The following CORO6 variants were observed in gnomAD, a reference collection of about 807,000 sequenced individuals.
The protein encoded by CORO6 is coronin-6.
Under a neutral mutation model 49.0 loss-of-function variants are expected in CORO6, and 43 were observed. That is an observed-to-expected ratio of 0.88 (90% CI 0.69 to 1.13). The LOEUF is 1.13. CORO6 is among the 50% of genes most tolerant of loss of function. CORO6 has a pLI of 0.00. For synonymous variants in CORO6, 233 were observed against 256.5 expected, an observed-to-expected ratio of 0.91 and a Z score of 0.88; for missense variants, 650 against 647.0, an observed-to-expected ratio of 1.00 and a Z score of -0.05.
Position 29,615,629 on chromosome 17 carries a change from C to G in CORO6, c.*103G>C, listed in dbSNP as rs527841317. ...CGGAGTTCCCTCCCCAGTCCCGCCC[C>G]CGGGCCCAGCCCAAGAAGGCGGGGT... On this transcript the variant is annotated 3_prime_UTR_variant, in exon 11 of 11. Transcript: ENST00000388767. 1.5e-4 allele frequency: 202 copies of G among 1,307,694 alleles called. No homozygotes were observed. In the African/African-American group the frequency reaches 2.7e-3, roughly 17 times the overall value. 81.0% of individuals were successfully genotyped at this position (1,307,694 alleles called of 1,614,324 possible).
intron 5 of CORO6, chr17:29,618,530 C>T (rs1040516955): frequency 2.4e-5 from 33 of 1,347,830 alleles, no homozygotes; most frequent in Admixed American, 3.4e-5. Context: ...CTCCTCAATC[C>T]CAAAGCGAGG....
chr17:29,621,493 GGGA>G lies in CORO6; in HGVS notation c.-63-12_-63-10del. On this transcript the variant is annotated splice_polypyrimidine_tract_variant and intron_variant, in intron 1 of 10. Coordinates refer to ENST00000388767, the MANE Select transcript of CORO6 (RefSeq NM_032854.4). The surrounding 1 kb of genome is among the most constrained non-coding windows in gnomAD (Gnocchi z 4.2). ...GTCCTTAGTCCTGTGAGCTGCGGGA[GGGA>G]GGAGGAGTGGAGGGGTGGCTGATGA... The G allele has an allele frequency of 6.5e-7, 1 of 1,542,588 alleles. No homozygotes were observed. Among genetic ancestry groups the G allele is most frequent in the East Asian group, 2.5e-5 (1 of 40,690 alleles).
intron 5 of CORO6, 85 bp downstream of exon 5, chr17:29,618,705 G>T (rs1598641109): frequency 9.3e-6 from 14 of 1,497,544 alleles, no homozygotes; most frequent in Non-Finnish European, 1.3e-5. Flanking sequence ...CCGGGACCAG[G>T]GGCTCTGATA....
chr17:29,622,725 A>T lies in CORO6; in HGVS notation c.-101T>A. The stretch of plus-strand genomic sequence containing the variant: ...GGGCTGCGGGGCGCTCACGCTGCGA[A>T]TCCTCTGCGGAAGGGGCCCGAGTGC... On this transcript the variant is annotated 5_prime_UTR_variant, in exon 1 of 11. Transcript: ENST00000388767. The T allele has an allele frequency of 7.6e-7, 1 of 1,307,384 alleles. No homozygotes were observed. The highest frequency in any genetic ancestry group is 1.0e-6 in the Non-Finnish European group (1 of 993,944). The allele number at this position is 1,307,384 out of a possible 1,614,324, so 81.0% of individuals were successfully genotyped here.
Position 29,615,974 on chromosome 17 carries a change from T to C in CORO6, c.1264A>G (p.Ser422Gly). Residue 422 changes from serine to glycine, a missense_variant, in exon 10 of 11, where the codon AGC becomes GGC. By Grantham distance (56) the Ser-to-Gly change is moderately conservative (BLOSUM62 0). Coordinates refer to ENST00000388767, the MANE Select transcript of CORO6 (RefSeq NM_032854.4). ...AAGGGGGCGTCGCTGGCCGACTGGC[T>C]GCGGCGGGGGCCGGAGGGCGGGCGC... ...DVRPPSGPRR[S>G]QSASDAPLSQ... 3 of 1,583,290 alleles carry C rather than the reference T, an allele frequency of 1.9e-6. No homozygotes were observed. Among genetic ancestry groups the C allele is most frequent in the Non-Finnish European group, 2.6e-6 (3 of 1,164,448 alleles).
rs919936323 is a variant in CORO6, at chr17:29,616,416, G to A, written c.1005-80C>T. 74 of 1,356,102 alleles carry A rather than the reference G, an allele frequency of 5.5e-5. No individual in the cohort carries two copies. The highest frequency in any genetic ancestry group is 2.3e-4 in the Admixed American group (11 of 48,718). 84.0% of individuals were successfully genotyped at this position (1,356,102 alleles called of 1,614,324 possible). A position where few individuals can be genotyped will look rare whatever the true frequency, so the allele number is the denominator to read the frequency against. ...CTGTCTAAGACCAAGGGGGTTGGAG[G>A]CCAACACTTGCTCAGCGCCTACCAT... On this transcript the variant is annotated intron_variant, in intron 8 of 10. Transcript: ENST00000388767. The surrounding 1 kb of genome is among the most constrained non-coding windows in gnomAD (Gnocchi z 5.6).
chr17:29,618,653 G>T, intron 5 of CORO6, 137 bp downstream of exon 5: 2 of 1,430,538 alleles, frequency 1.4e-6, no homozygotes, highest in Non-Finnish European at 9.2e-7. Flanking sequence ...AGAGACGGGG[G>T]AAGGGGGCTA....
chr17:29,622,884 A>C lies in CORO6; in HGVS notation c.-260T>G, dbSNP rs564109704. 114 of 1,285,694 alleles carry C rather than the reference A, an allele frequency of 8.9e-5. No individual in the cohort carries two copies. Among genetic ancestry groups the C allele is most frequent in the Admixed American group, 4.4e-4 (18 of 41,284 alleles). 79.6% of individuals were successfully genotyped at this position (1,285,694 alleles called of 1,614,324 possible). On this transcript the variant is annotated 5_prime_UTR_variant, in exon 1 of 11. Transcript: ENST00000388767. ...TAGAGCCCGGCGCCGCTGCAGCCCC[A>C]GCTGCCGCTGCCATCAACCTAAGAG...
In CORO6 at chr17:29,616,621, TG is replaced by T; in HGVS notation, c.1004+80del. 2 of 1,560,700 alleles carry T rather than the reference TG, an allele frequency of 1.3e-6. No individual in the cohort carries two copies. The highest frequency in any genetic ancestry group is 3.4e-5 in the Admixed American group (2 of 57,978). ...CCGCTTTTCCAAAGCACTGCATTAC[TG>T]GGGAAGCCCCGTGGCTAGGACCCGA... On this transcript the variant is annotated intron_variant, in intron 8 of 10. Coordinates refer to ENST00000388767, the MANE Select transcript of CORO6 (RefSeq NM_032854.4). The surrounding 1 kb of genome is among the most constrained non-coding windows in gnomAD (Gnocchi z 5.6).
At position 29,622,707 on chromosome 17, in the gene CORO6, G is replaced by T; in HGVS notation, c.-83C>A. 1.6e-6 allele frequency: 2 copies of T among 1,283,080 alleles called. No individual in the cohort carries two copies. The highest frequency in any genetic ancestry group is 6.0e-5 in the East Asian group (1 of 16,622). The allele number at this position is 1,283,080 out of a possible 1,614,324, so 79.5% of individuals were successfully genotyped here. A position where few individuals can be genotyped will look rare whatever the true frequency, so the allele number is the denominator to read the frequency against. On this transcript the variant is annotated 5_prime_UTR_variant, in exon 1 of 11. Coordinates refer to ENST00000388767, the MANE Select transcript of CORO6 (RefSeq NM_032854.4). ...GGGTACCTGGTCCTGAGCGGGCTGCGGGGCGCTCACGCTGCGAATCCTCTG... is the reference window on the plus strand; with the variant it reads ...GGGTACCTGGTCCTGAGCGGGCTGCTGGGCGCTCACGCTGCGAATCCTCTG...
Position 29,616,406 on chromosome 17 carries a change from G to A in CORO6, c.1005-70C>T. On this transcript the variant is annotated intron_variant, in intron 8 of 10. Transcript: ENST00000388767. This position sits in a 1 kb window ranked among gnomAD's most constrained non-coding sequence, Gnocchi z 5.6. ...TTAACTTCTCCTGTCTAAGACCAAG[G>A]GGGTTGGAGGCCAACACTTGCTCAG... 1 of 1,461,448 alleles carries A rather than the reference G, an allele frequency of 6.8e-7. No individual in the cohort carries two copies. Among genetic ancestry groups the A allele is most frequent in the East Asian group, 2.4e-5 (1 of 41,578 alleles). The allele number at this position is 1,461,448 out of a possible 1,614,324, so 90.5% of individuals were successfully genotyped here.
At chr17:29,617,116 T>C in intron 6 of CORO6, 74 bp from the exon 7 acceptor site, 4 of 1,590,374 alleles carry the variant, frequency 2.5e-6, no homozygotes, top group Non-Finnish European at 3.4e-6. Context: ...AGAAGCCCCT[T>C]TACGCTTCCT....
intron 5 of CORO6, chr17:29,618,485 G>T: frequency 7.6e-7 from 1 of 1,309,240 alleles, no homozygotes; most frequent in Non-Finnish European, 9.7e-7. Context: ...TTTCATGCAG[G>T]TTCTGGTGGG....
chr17:29,621,449 G>A lies in CORO6; in HGVS notation c.-28C>T, dbSNP rs749138496. ...CTGCAGGCAGAGAGGTAGGATCTCA[G>A]TGCCCAGAAATGCCTTTGGTCCTTA... On this transcript the variant is annotated 5_prime_UTR_variant, in exon 2 of 11. Coordinates refer to ENST00000388767, the MANE Select transcript of CORO6 (RefSeq NM_032854.4). The surrounding 1 kb of genome is among the most constrained non-coding windows in gnomAD (Gnocchi z 4.2). The A allele has an allele frequency of 3.2e-6, 5 of 1,576,094 alleles. No individual in the cohort carries two copies. Among genetic ancestry groups the A allele is most frequent in the South Asian group, 2.3e-5 (2 of 87,002 alleles).
Position 29,615,396 on chromosome 17 carries a change from C to T in CORO6, c.*336G>A. The T allele has an allele frequency of 3.7e-6, 1 of 272,526 alleles. No individual in the cohort carries two copies. Among genetic ancestry groups the T allele is most frequent in the South Asian group, 8.2e-5 (1 of 12,130 alleles). 16.9% of individuals were successfully genotyped at this position (272,526 alleles called of 1,614,324 possible). A position where few individuals can be genotyped will look rare whatever the true frequency, so the allele number is the denominator to read the frequency against. On this transcript the variant is annotated 3_prime_UTR_variant, in exon 11 of 11. Transcript: ENST00000388767. ...CAGGCTCCAATAACCCCAAGCATCA[C>T]GCTAATACTAAGCACTTTCCCTGCC... is the stretch of plus-strand genomic sequence containing the variant.
Position 29,621,452 on chromosome 17 carries a change from C to T in CORO6, c.-31G>A, listed in dbSNP as rs768275465. The T allele has an allele frequency of 6.4e-7, 1 of 1,570,336 alleles. No individual in the cohort carries two copies. The highest frequency in any genetic ancestry group is 2.4e-5 in the East Asian group (1 of 42,296). The stretch of plus-strand genomic sequence containing the variant: ...CAGGCAGAGAGGTAGGATCTCAGTG[C>T]CCAGAAATGCCTTTGGTCCTTAGTC... On this transcript the variant is annotated 5_prime_UTR_variant, in exon 2 of 11. Transcript: ENST00000388767. The surrounding 1 kb of genome is among the most constrained non-coding windows in gnomAD (Gnocchi z 4.2).
intron 5 of CORO6, 114 bp downstream of exon 5, chr17:29,618,676 G>A: frequency 6.2e-6 from 9 of 1,450,480 alleles, no homozygotes; most frequent in Non-Finnish European, 8.2e-6. Context: ...CTCTGGAGCA[G>A]GGATGCGACA....
intron 2 of CORO6, 110 bp from the exon 3 acceptor site, chr17:29,619,883 G>T: frequency 3.0e-6 from 3 of 996,776 alleles, no homozygotes; most frequent in East Asian, 2.5e-5. Context: ...TCTCTTTGCA[G>T]ATCCCTCTCT....
At position 29,616,744 on chromosome 17, in the gene CORO6, A is replaced by T. The variant is rs377223092; in HGVS notation, c.962T>A (p.Met321Lys). The change falls in exon 8 of 11, where the codon ATG (methionine) becomes AAG (lysine). Residue 321 changes from methionine to lysine, a missense_variant. Coordinates refer to ENST00000388767, the MANE Select transcript of CORO6 (RefSeq NM_032854.4). The surrounding 1 kb of genome is among the most constrained non-coding windows in gnomAD (Gnocchi z 5.6). ...SKEPQRGMGF[M>K]PKRGLDVSKC... ...GCTGACATCCAGTCCCCTTTTGGGCATGAAACCCATGCCCCGCTGCGGCTC... is the reference window on the plus strand; with the variant it reads ...GCTGACATCCAGTCCCCTTTTGGGCTTGAAACCCATGCCCCGCTGCGGCTC... 1 of 1,613,794 alleles carries T rather than the reference A, an allele frequency of 6.2e-7. No individual in the cohort carries two copies. The highest frequency in any genetic ancestry group is 1.7e-5 in the Admixed American group (1 of 60,022).
Sources: gnomAD v4.1 joint callset for allele counts on GRCh38, gnomAD v4.1.1 for gene constraint, Gnocchi (gnomAD v3.1) non-coding constraint, MANE v1.5 for transcripts, NCBI Gene and HGNC (gene_info 2026-07-23, HGNC 2026-07-21) for gene names.